The following EFCAB14 variants were observed in gnomAD, a reference collection of about 807,000 sequenced individuals.
EFCAB14 encodes EF-hand calcium-binding domain-containing protein 14.
In EFCAB14, 43 loss-of-function variants were observed where a neutral mutation model predicts 56.5. The observed-to-expected ratio is 0.76, with a 90% CI of 0.60 to 0.98. The LOEUF is 0.98. Ranked by LOEUF, EFCAB14 falls within the 50% of genes least tolerant of loss-of-function variation. The probability of loss-of-function intolerance (pLI) is 0.00; values close to 1 mark genes in which losing one functional copy is unlikely to be tolerated. For missense variants in EFCAB14, 538 were observed against 580.3 expected, an observed-to-expected ratio of 0.93 and a Z score of 0.75; for synonymous variants, 235 against 212.9, an observed-to-expected ratio of 1.10 and a Z score of -0.90.
chr1:46,716,485 T>C, intron 1 of EFCAB14, 42 bp from the exon 2 acceptor site: 1 of 1,608,222 alleles, frequency 6.2e-7, no homozygotes, highest in South Asian at 1.1e-5. Flanking sequence ...CAAAAGTGAT[T>C]ATGGGTATAG....
chr1:46,685,342 T>TGA (rs1676863402), intron 8 of EFCAB14, among the ~76,000 whole-genome samples: 1 of 152,216 alleles, frequency 6.6e-6, no homozygotes, highest in Non-Finnish European at 1.5e-5. Flanking sequence ...TAGATGAGTG[T>TGA]GAAAGGTCCT....
intron 10 of EFCAB14, among the ~76,000 whole-genome samples, chr1:46,680,443 A>C (rs1179466440): frequency 2.0e-5 from 3 of 152,264 alleles, no homozygotes; most frequent in African/African-American, 7.2e-5. Flanking sequence ...ATGCTAAGTG[A>C]AAGAATCATA....
At chr1:46,690,453 G>C (rs1173879054) in intron 5 of EFCAB14, among the ~76,000 whole-genome samples, 2 of 152,126 alleles carry the variant, frequency 1.3e-5, no homozygotes, top group Non-Finnish European at 2.9e-5. Context: ...GTGAAAATAA[G>C]TTGTTTTCCT....
chr1:46,686,697 C>A, intron 8 of EFCAB14, 87 bp downstream of exon 8: 2 of 1,289,056 alleles, frequency 1.6e-6, no homozygotes, highest in Non-Finnish European at 2.2e-6. Context: ...AACAAAAGTA[C>A]GCCCTTTGAA....
At chr1:46,679,599 GTTTTTTTTTT>G (rs60875639) in intron 10 of EFCAB14, among the ~76,000 whole-genome samples, 16 of 36,522 alleles carry the variant, frequency 4.4e-4, no homozygotes, top group East Asian at 8.7e-4. Flanking sequence ...CACCACGCCT[GTTTTTTTTTT>G]TTTTTTTTTT....
chr1:46,687,164 A>G (rs1676896664), intron 7 of EFCAB14, among the ~76,000 whole-genome samples: 1 of 152,214 alleles, frequency 6.6e-6, no homozygotes, highest in Non-Finnish European at 1.5e-5. Context: ...TGCTCTAAGA[A>G]ACAGTAGGAC....
chr1:46,684,173 T>C (rs1011034112), intron 9 of EFCAB14: 1 of 238,176 alleles, frequency 4.2e-6, no homozygotes, highest in African/African-American at 2.3e-5. Flanking sequence ...AGGAAAAGAC[T>C]CTCATAAACA....
At chr1:46,716,562 A>G in intron 1 of EFCAB14, 119 bp from the exon 2 acceptor site, 1 of 1,173,370 alleles carries the variant, frequency 8.5e-7, no homozygotes, top group Non-Finnish European at 1.2e-6. Context: ...CAGTGAATTA[A>G]CCAGGGGAGG....
chr1:46,713,557 G>A (rs935630924), intron 2 of EFCAB14, among the ~76,000 whole-genome samples: 12 of 152,118 alleles, frequency 7.9e-5, no homozygotes, highest in African/African-American at 2.9e-4. Context: ...GAAATTACCT[G>A]AAAAGCTCAG....
At chr1:46,695,012 G>A (rs1677057730) in intron 4 of EFCAB14, among the ~76,000 whole-genome samples, 1 of 149,904 alleles carries the variant, frequency 6.7e-6, no homozygotes, top group East Asian at 2.0e-4. Flanking sequence ...CTCACTCATA[G>A]GTGGGAATTG....
intron 2 of EFCAB14, among the ~76,000 whole-genome samples, chr1:46,710,302 T>C (rs1056434100): frequency 9.9e-5 from 15 of 152,222 alleles, no homozygotes; most frequent in Non-Finnish European, 2.2e-4. Context: ...GTAATTAGCA[T>C]ATCCATCATC....
intron 5 of EFCAB14, among the ~76,000 whole-genome samples, chr1:46,691,335 GC>G (rs1167376969): frequency 2.0e-5 from 3 of 152,158 alleles, no homozygotes; most frequent in Non-Finnish European, 4.4e-5. Context: ...TGTGTTGTAG[GC>G]TGCATTTAAC....
At chr1:46,714,490 C>G (rs771811771) in intron 2 of EFCAB14, among the ~76,000 whole-genome samples, 1 of 151,274 alleles carries the variant, frequency 6.6e-6, no homozygotes, top group Non-Finnish European at 1.5e-5. Flanking sequence ...GCAAACATAC[C>G]TTTTGGAAAA....
At chr1:46,679,664 G>A (rs1676760207) in intron 10 of EFCAB14, among the ~76,000 whole-genome samples, 1 of 136,440 alleles carries the variant, frequency 7.3e-6, no homozygotes, top group Non-Finnish European at 1.5e-5. Context: ...AGGCTGGAGT[G>A]CAGTGGTATG....
rs1421535958 is a variant in EFCAB14 at position 46,717,973 on chromosome 1, A to G, written c.115T>C (p.Ser39Pro). ...HRLLRTEPPD[S>P]DSESSSEEEE... Reference sequence around the variant, plus strand: ...TCTTCGGAGCTGGACTCAGAGTCTGAGTCGGGAGGCTCAGTGCGAAGCAGG... The same window carrying G: ...TCTTCGGAGCTGGACTCAGAGTCTGGGTCGGGAGGCTCAGTGCGAAGCAGG... The change falls in exon 1 of 11, where the codon TCA becomes CCA. Residue 39 changes from serine (S) to proline (P), a missense_variant. Physicochemically the swap from Ser to Pro is moderately conservative, Grantham distance 74 (BLOSUM62 -1). Transcript: ENST00000371933. 15 of 1,614,042 alleles carry G rather than the reference A, an allele frequency of 9.3e-6. No homozygotes were observed. The highest frequency in any genetic ancestry group is 1.3e-5 in the Non-Finnish European group (15 of 1,180,024).
At chr1:46,695,775 G>C (rs906346219) in intron 4 of EFCAB14, among the ~76,000 whole-genome samples, 1 of 152,088 alleles carries the variant, frequency 6.6e-6, no homozygotes, top group Non-Finnish European at 1.5e-5. Flanking sequence ...AACCTCCCAG[G>C]CTCAAGTGAT....
intron 2 of EFCAB14, among the ~76,000 whole-genome samples, chr1:46,713,384 C>T (rs114128429): frequency 1.5e-3 from 233 of 152,224 alleles, no homozygotes; most frequent in African/African-American, 5.5e-3. Context: ...AAGCAGGGTC[C>T]GCAGTCCAGG....
rs1036368135 is a variant in EFCAB14 at position 46,675,484 on chromosome 1, A to G, written c.*2977T>C. 6.5e-6 allele frequency: 1 copy of G among 152,698 alleles called. No individual in the cohort carries two copies. Among genetic ancestry groups the G allele is most frequent in the African/African-American group, 2.4e-5 (1 of 41,470 alleles). The allele number at this position is 152,698 out of a possible 1,614,324, so 9.5% of individuals were successfully genotyped here. Reference sequence around the variant, plus strand: ...TGGTAAGCAAGCCAATGAGGTGTGCAGCAAACAAAACCTGTCACTAAAAAC... The same window carrying G: ...TGGTAAGCAAGCCAATGAGGTGTGCGGCAAACAAAACCTGTCACTAAAAAC... On this transcript the variant is annotated 3_prime_UTR_variant, in exon 11 of 11. Coordinates refer to ENST00000371933, the MANE Select transcript of EFCAB14 (RefSeq NM_014774.3).
Position 46,683,301 on chromosome 1 carries a change from T to C in EFCAB14, c.1311A>G (p.Glu437=). The change falls in exon 10 of 11, where the codon GAA becomes GAG. Residue 437 remains glutamate, a splice_region_variant and synonymous_variant. Transcript: ENST00000371933. ...PISLPGVSST[E]DLQDLFRKTG... Reference sequence around the variant, plus strand: ...CTACCCCGTGGTATAAAAATTTACCTTCAGTGCTAGAAACTCCTGGTAGGG... The same window carrying C: ...CTACCCCGTGGTATAAAAATTTACCCTCAGTGCTAGAAACTCCTGGTAGGG... The C allele has an allele frequency of 1.9e-6, 3 of 1,612,840 alleles. No individual in the cohort carries two copies. The highest frequency in any genetic ancestry group is 2.5e-6 in the Non-Finnish European group (3 of 1,179,612).
Sources: allele counts gnomAD v4.1 joint callset (sites outside exome capture counted in the v4.1 genomes callset), GRCh38; gene constraint gnomAD v4.1.1; transcripts MANE v1.5; gene names NCBI Gene and HGNC (gene_info 2026-07-23, HGNC 2026-07-21).